PCDHGA5: variants seen among roughly 807,000 people sequenced by gnomAD.
PCDHGA5 encodes the protein protocadherin gamma subfamily A, 5.
A neutral mutation model predicts 56.7 loss-of-function variants in PCDHGA5; 36 were observed. The observed-to-expected ratio is 0.64, with a 90% confidence interval of 0.49 to 0.84. PCDHGA5 has a LOEUF of 0.84. Ranked by LOEUF, PCDHGA5 falls within the 40% of genes least tolerant of loss-of-function variation. The pLI, the probability that PCDHGA5 is intolerant of heterozygous loss-of-function variation, is 0.00. For synonymous variants in PCDHGA5, 563 were observed against 520.2 expected, an observed-to-expected ratio of 1.08 and a Z score of -1.12; for missense variants, 1,305 against 1,201.5, an observed-to-expected ratio of 1.09 and a Z score of -1.27.
chr5:141,487,920 C>G lies in PCDHGA5; in HGVS notation c.2422-6887C>G, dbSNP rs561819225. On this transcript the variant is annotated intron_variant, in intron 1 of 3. Coordinates refer to ENST00000518069, the MANE Select transcript of PCDHGA5 (RefSeq NM_018918.3). This position sits in a 1 kb window ranked among gnomAD's most constrained non-coding sequence, Gnocchi z 5.0. ...TGGAATGTGGGAGCACAGGAGGCTA[C>G]AGTGCACAGGGTACAGTGCACCAGG... The G allele has an allele frequency of 4.7e-6, 3 of 644,662 alleles. No individual in the cohort carries two copies. The Admixed American group carries it at 8.5e-5, about 18-fold the overall frequency. 39.9% of individuals were successfully genotyped at this position (644,662 alleles called of 1,614,324 possible).
chr5:141,401,345 A>G (rs1233985725), intron 1 of PCDHGA5, among the ~76,000 whole-genome samples: 4 of 152,216 alleles, frequency 2.6e-5, no homozygotes, highest in Non-Finnish European at 4.4e-5. Context: ...TCCATCTCAA[A>G]AAAAAGGAAG....
chr5:141,475,128 C>T (rs775275292), intron 1 of PCDHGA5, among the ~76,000 whole-genome samples: 3 of 151,894 alleles, frequency 2.0e-5, no homozygotes, highest in Non-Finnish European at 4.4e-5. Context: ...GGCTTTTTTT[C>T]TTTTTGAAAT....
At chr5:141,376,685 T>TTTTGTTTTG (rs945381584) in intron 1 of PCDHGA5, 1 of 813,646 alleles carries the variant, frequency 1.2e-6, no homozygotes, top group African/African-American at 1.9e-5. Flanking sequence ...CGTTTTTTTT[T>TTTTGTTTTG]TTTTTTTTTT....
intron 3 of PCDHGA5, among the ~76,000 whole-genome samples, chr5:141,510,556 T>TA (rs2099881668): frequency 6.6e-6 from 1 of 152,178 alleles, no homozygotes; most frequent in African/African-American, 2.4e-5. Flanking sequence ...TTTGAGCACT[T>TA]ACATCTACCA....
chr5:141,458,540 TTTTG>T (rs754668779), intron 1 of PCDHGA5, among the ~76,000 whole-genome samples: 43 of 150,468 alleles, frequency 2.9e-4, no homozygotes, highest in East Asian at 1.7e-3. Context: ...ATCAACTTTA[TTTTG>T]TTTGTTTGTT....
chr5:141,461,355 G>A (rs993200082), intron 1 of PCDHGA5, among the ~76,000 whole-genome samples: 3 of 152,022 alleles, frequency 2.0e-5, no homozygotes, highest in Non-Finnish European at 2.9e-5. Flanking sequence ...GTGGTAGCTC[G>A]TTGTGGTTTT....
chr5:141,476,123 C>G lies in PCDHGA5; in HGVS notation c.2422-18684C>G. Reference sequence around the variant, plus strand: ...GGAACTGCTTTTGAGTGAGATGGTCCCAGAGGCCTGGAGGAGCGGACTGGT... The same window carrying G: ...GGAACTGCTTTTGAGTGAGATGGTCGCAGAGGCCTGGAGGAGCGGACTGGT... On this transcript the variant is annotated intron_variant, in intron 1 of 3. Coordinates refer to ENST00000518069, the MANE Select transcript of PCDHGA5 (RefSeq NM_018918.3). This position sits in a 1 kb window ranked among gnomAD's most constrained non-coding sequence, Gnocchi z 7.6. 1 of 1,602,442 alleles carries G rather than the reference C, an allele frequency of 6.2e-7. No individual in the cohort carries two copies. The highest frequency in any genetic ancestry group is 8.5e-7 in the Non-Finnish European group (1 of 1,176,022).
At chr5:141,375,595 C>T (rs1444867378) in intron 1 of PCDHGA5, 13 of 1,614,066 alleles carry the variant, frequency 8.1e-6, no homozygotes, top group African/African-American at 1.3e-5. Flanking sequence ...TGTCCTCCTA[C>T]GTGTCCATCA....
intron 2 of PCDHGA5, among the ~76,000 whole-genome samples, chr5:141,498,451 T>C (rs1426888821): frequency 6.6e-6 from 1 of 152,126 alleles, no homozygotes; most frequent in Non-Finnish European, 1.5e-5. Context: ...AGGTTCCTTT[T>C]ATCCAGTCTA....
At chr5:141,387,354 CA>C (rs1037365285) in intron 1 of PCDHGA5, among the ~76,000 whole-genome samples, 7 of 152,004 alleles carry the variant, frequency 4.6e-5, no homozygotes, top group African/African-American at 1.7e-4. Context: ...CGGTTTAGGC[CA>C]AGTCTGTGTT....
chr5:141,374,900 G>A (rs1770928989), intron 1 of PCDHGA5: 6 of 1,613,682 alleles, frequency 3.7e-6, no homozygotes, highest in South Asian at 3.3e-5. Context: ...GGATGAAGGA[G>A]TCCACGGGGA....
chr5:141,382,789 T>C (rs1778438315), intron 1 of PCDHGA5: 4 of 924,532 alleles, frequency 4.3e-6, no homozygotes, highest in African/African-American at 3.3e-5. Context: ...CAAGCCTCTA[T>C]CCTGCTGGAT....
chr5:141,478,259 T>A lies in PCDHGA5; in HGVS notation c.2422-16548T>A, dbSNP rs534973741. ...GGTCACAGTGTTCGGAGTAATCATA[T>A]TCAAAGTTTACAAGTGGAAGCAGTC... On this transcript the variant is annotated intron_variant, in intron 1 of 3. Transcript: ENST00000518069. 3.2e-5 allele frequency: 52 copies of A among 1,614,064 alleles called. No individual in the cohort carries two copies. The highest frequency in any genetic ancestry group is 4.4e-5 in the Non-Finnish European group (52 of 1,180,048).
chr5:141,408,972 C>T, intron 1 of PCDHGA5: 8 of 1,613,870 alleles, frequency 5.0e-6, no homozygotes, highest in Non-Finnish European at 5.9e-6. Flanking sequence ...AATCTGCCCC[C>T]TGGGTCCCCT....
At chr5:141,370,529 G>C in intron 1 of PCDHGA5, 2 of 1,613,942 alleles carry the variant, frequency 1.2e-6, no homozygotes, top group Non-Finnish European at 1.7e-6. Context: ...ACAGGGGCTC[G>C]CTGGTAGGGA....
intron 1 of PCDHGA5, chr5:141,384,201 G>A (rs369190060): frequency 3.7e-6 from 6 of 1,613,802 alleles, no homozygotes; most frequent in Admixed American, 1.7e-5. Flanking sequence ...CCTTGTCCAG[G>A]GAAACTCACA....
At chr5:141,379,309 C>T (rs1297432422) in intron 1 of PCDHGA5, 3 of 152,102 alleles carry the variant, frequency 2.0e-5, no homozygotes, top group Admixed American at 1.3e-4. Context: ...TATACCTAAA[C>T]AAGAGATCTA....
intron 1 of PCDHGA5, chr5:141,421,581 C>T (rs2096585155): frequency 2.5e-6 from 4 of 1,613,712 alleles, no homozygotes; most frequent in Admixed American, 1.7e-5. Flanking sequence ...TGAAGATTTA[C>T]GGAGTGGAGG....
At chr5:141,372,022 G>A in intron 1 of PCDHGA5, 1 of 1,613,416 alleles carries the variant, frequency 6.2e-7, no homozygotes, top group Non-Finnish European at 8.5e-7. Context: ...CCTACGCTCA[G>A]CGCCAACGTG....
Sources: gnomAD v4.1 joint callset for allele counts (sites outside exome capture counted in the v4.1 genomes callset) on GRCh38, gnomAD v4.1.1 for gene constraint, Gnocchi (gnomAD v3.1) non-coding constraint, MANE v1.5 for transcripts, NCBI Gene and HGNC (gene_info 2026-07-23, HGNC 2026-07-21) for gene names.